Variants in ANKFN1 observed in about 807,000 individuals in gnomAD.
ANKFN1 encodes the protein ankyrin repeat and fibronectin type-III domain-containing protein 1.
Under a neutral mutation model 108.7 loss-of-function variants are expected in ANKFN1, and 74 were observed. That is an observed-to-expected ratio of 0.68 (90% CI 0.56 to 0.83). ANKFN1 has a LOEUF of 0.83. Among genes scored for constraint, ANKFN1 ranks in the 40% least tolerant of loss-of-function variants. The probability of loss-of-function intolerance (pLI) is 0.00; values close to 1 mark genes in which losing one functional copy is unlikely to be tolerated. For synonymous variants in ANKFN1, 547 were observed against 516.2 expected (o/e 1.06, Z -0.81); for missense variants, 1,505 against 1,382.3 (o/e 1.09, Z -1.41).
Position 56,512,699 on chromosome 17 carries a change from G to C in ANKFN1, c.*1430G>C, listed in dbSNP as rs2051810005. Among the ~76,000 whole-genome samples, 1 of 152,186 alleles carries C rather than the reference G, an allele frequency of 6.6e-6. No individual in the cohort carries two copies. The highest frequency in any genetic ancestry group is 2.4e-5 in the African/African-American group (1 of 41,444). ...TTATGGCCCTATCCTTGTCCACAGAGTTCTACCATTCCTCCTCATGGGAGT... is the reference window on the plus strand; with the variant it reads ...TTATGGCCCTATCCTTGTCCACAGACTTCTACCATTCCTCCTCATGGGAGT... On this transcript the variant is annotated 3_prime_UTR_variant, in exon 21 of 21. Transcript: ENST00000682825.
chr17:56,106,107 A>G (rs1242485739), intron 4 of ANKFN1, among the ~76,000 whole-genome samples: 1 of 152,124 alleles, frequency 6.6e-6, no homozygotes, highest in African/African-American at 2.4e-5. Context: ...GACTTTCTAA[A>G]TACTATAATA....
intron 5 of ANKFN1, among the ~76,000 whole-genome samples, chr17:56,353,400 C>T (rs11651384): frequency 8.5e-5 from 13 of 152,164 alleles, no homozygotes; most frequent in Admixed American, 7.2e-4. Flanking sequence ...CCACACTCGG[C>T]TAATTTTTAT....
chr17:56,514,839 A>G lies in ANKFN1; in HGVS notation c.*3570A>G, dbSNP rs2051870232. Among the ~76,000 whole-genome samples, 1 of 152,072 alleles carries G rather than the reference A, an allele frequency of 6.6e-6. No individual in the cohort carries two copies. The highest frequency in any genetic ancestry group is 1.5e-5 in the Non-Finnish European group (1 of 67,996). On this transcript the variant is annotated 3_prime_UTR_variant, in exon 21 of 21. Transcript: ENST00000682825. ...CTTGTCCAGGAGCCACCTGGCAAAC[A>G]CCTACTGTGTCCTTGCCAGGAGATC...
chr17:56,197,478 G>A (rs1048536868), intron 1 of ANKFN1, among the ~76,000 whole-genome samples: 1 of 152,208 alleles, frequency 6.6e-6, no homozygotes, highest in Admixed American at 6.5e-5. Context: ...TGTCCCTAGT[G>A]TATTCCTTTG....
intron 3 of ANKFN1, among the ~76,000 whole-genome samples, chr17:56,255,848 T>C (rs908440258): frequency 2.0e-5 from 3 of 152,180 alleles, no homozygotes; most frequent in African/African-American, 7.2e-5. Flanking sequence ...ATGTAGGAAC[T>C]GGAAAATTAC....
At chr17:56,072,201 T>A (rs1211976661) in intron 4 of ANKFN1, among the ~76,000 whole-genome samples, 1 of 152,220 alleles carries the variant, frequency 6.6e-6, no homozygotes, top group Non-Finnish European at 1.5e-5. Flanking sequence ...TAATCACTTG[T>A]GTTTTCACTT....
intron 8 of ANKFN1, among the ~76,000 whole-genome samples, chr17:56,383,482 A>G (rs1027757236): frequency 1.3e-5 from 2 of 152,178 alleles, no homozygotes; most frequent in Non-Finnish European, 2.9e-5. Flanking sequence ...CTAAAATCAG[A>G]GCAGAACTGA....
At chr17:56,298,133 G>A (rs2044566996) in intron 3 of ANKFN1, among the ~76,000 whole-genome samples, 3 of 152,256 alleles carry the variant, frequency 2.0e-5, no homozygotes, top group South Asian at 4.1e-4. Flanking sequence ...GAGCAATTGC[G>A]TGTTTTAATA....
At chr17:56,228,585 C>G (rs1208286411) in intron 3 of ANKFN1, 1 of 148,904 alleles carries the variant, frequency 6.7e-6, no homozygotes, top group East Asian at 2.0e-4. Context: ...TTTTTTTTTT[C>G]TTTTTTAATG....
At chr17:56,332,979 GTATATA>G (rs61494269) in intron 4 of ANKFN1, among the ~76,000 whole-genome samples, 66 of 147,820 alleles carry the variant, frequency 4.5e-4, no homozygotes, top group African/African-American at 1.3e-3. Flanking sequence ...ATATATGTGT[GTATATA>G]TATATATATA....
chr17:56,206,945 C>T (rs1159623103), intron 1 of ANKFN1: 1 of 152,216 alleles, frequency 6.6e-6, no homozygotes, highest in Non-Finnish European at 1.5e-5. Context: ...TACATGTTGC[C>T]CCCTCCTCAA....
At chr17:56,078,693 AC>A (rs886405714) in intron 4 of ANKFN1, among the ~76,000 whole-genome samples, 1 of 152,194 alleles carries the variant, frequency 6.6e-6, no homozygotes, top group African/African-American at 2.4e-5. Flanking sequence ...AAACACAGAT[AC>A]CCTGGGCAGG....
intron 3 of ANKFN1, among the ~76,000 whole-genome samples, chr17:56,300,509 C>A (rs1217091867): frequency 6.6e-6 from 1 of 151,778 alleles, no homozygotes; most frequent in South Asian, 2.1e-4. Context: ...TTTGTCAGAG[C>A]AATTTGATGT....
intron 15 of ANKFN1, chr17:56,471,889 G>T (rs951874412): frequency 1.3e-5 from 2 of 152,208 alleles, no homozygotes; most frequent in Non-Finnish European, 2.9e-5. Flanking sequence ...ACAGCAGGCG[G>T]AGAGATAGGG....
chr17:56,101,029 G>T (rs1031402205), intron 4 of ANKFN1, among the ~76,000 whole-genome samples: 1 of 152,130 alleles, frequency 6.6e-6, no homozygotes, highest in Non-Finnish European at 1.5e-5. Context: ...TGAGAGTGGA[G>T]GAGGAGACAT....
At chr17:56,332,408 A>G (rs1237422906) in intron 4 of ANKFN1, among the ~76,000 whole-genome samples, 2 of 152,202 alleles carry the variant, frequency 1.3e-5, no homozygotes, top group East Asian at 1.9e-4. Flanking sequence ...TAAACATTTT[A>G]TAGTTTTAGC....
At chr17:56,177,222 A>C (rs1423118203) in intron 1 of ANKFN1, among the ~76,000 whole-genome samples, 4 of 152,308 alleles carry the variant, frequency 2.6e-5, no homozygotes, top group Admixed American at 2.6e-4. Context: ...TTCCCATCTA[A>C]CCACAGGCCT....
Position 56,424,458 on chromosome 17 carries a change from A to G in ANKFN1, c.911-15869A>G, listed in dbSNP as rs140743632. Among the ~76,000 whole-genome samples, 561 of 152,308 alleles carry G rather than the reference A, an allele frequency of 3.7e-3. 2 individuals are homozygous for G. The highest frequency in any genetic ancestry group is 0.013 in the African/African-American group (520 of 41,552). ...ACTTCACCTCTAAAATGAGAAAAAT[A>G]CATAACATGGTTGTTGTGAAAATCA... On this transcript the variant is annotated intron_variant, in intron 8 of 20. Coordinates refer to ENST00000682825, the MANE Select transcript of ANKFN1 (RefSeq NM_001370326.1).
intron 4 of ANKFN1, among the ~76,000 whole-genome samples, chr17:56,101,591 C>G (rs1310848735): frequency 6.6e-6 from 1 of 152,128 alleles, no homozygotes; most frequent in African/African-American, 2.4e-5. Context: ...TACTTAGAAA[C>G]TTTTTAAGCA....
Sources: allele counts gnomAD v4.1 joint callset (sites outside exome capture counted in the v4.1 genomes callset), GRCh38; gene constraint gnomAD v4.1.1; transcripts MANE v1.5; gene names NCBI Gene and HGNC (gene_info 2026-07-23, HGNC 2026-07-21).